The following IL1RAPL1 variants were observed in gnomAD, a reference collection of about 807,000 sequenced individuals.
IL1RAPL1 encodes the protein interleukin-1 receptor accessory protein-like 1.
Under a neutral mutation model 48.4 loss-of-function variants are expected in IL1RAPL1, and 3 were observed. The observed-to-expected ratio is 0.06, with a 90% CI of 0.03 to 0.16. The LOEUF (loss-of-function observed/expected upper bound fraction) is 0.16, where lower values mean the gene tolerates loss of function less well. IL1RAPL1 is among the 10% of genes least tolerant of loss of function. The probability of loss-of-function intolerance (pLI) is 1.00; values close to 1 mark genes in which losing one functional copy is unlikely to be tolerated. For synonymous variants in IL1RAPL1, 185 were observed against 187.7 expected (o/e 0.99, Z 0.12); for missense variants, 349 against 530.6 (o/e 0.66, Z 3.36).
intron 2 of IL1RAPL1, among the ~76,000 whole-genome samples, chrX:29,255,555 C>T (rs1931743160): frequency 9.0e-6 from 1 of 110,661 alleles, no homozygotes; most frequent in South Asian, 3.8e-4. Flanking sequence ...ATCCTGTTGC[C>T]GAAGTCCTGA....
At chrX:29,541,241 C>T (rs766332311) in intron 5 of IL1RAPL1, among the ~76,000 whole-genome samples, 1 of 111,682 alleles carries the variant, frequency 9.0e-6, no homozygotes, top group African/African-American at 3.3e-5. Flanking sequence ...CACCATGTCA[C>T]ACCAGTCAGA....
intron 6 of IL1RAPL1, among the ~76,000 whole-genome samples, chrX:29,867,707 C>G (rs1451548620): frequency 2.7e-5 from 3 of 112,246 alleles, no homozygotes; most frequent in African/African-American, 9.7e-5. Context: ...GATAGCAATT[C>G]CTAGAATTCG....
intron 6 of IL1RAPL1, among the ~76,000 whole-genome samples, chrX:29,717,476 T>C (rs1569152787): frequency 8.9e-6 from 1 of 112,319 alleles, no homozygotes; most frequent in African/African-American, 3.2e-5. Context: ...TTTTGCCTGA[T>C]TAACGTTATG....
At chrX:29,715,290 T>G (rs1358220563) in intron 6 of IL1RAPL1, among the ~76,000 whole-genome samples, 1 of 111,352 alleles carries the variant, frequency 9.0e-6, no homozygotes, top group Non-Finnish European at 1.9e-5. Context: ...CTAGGGGGCT[T>G]ATTAAAACAA....
At chrX:28,691,126 A>T (rs945707417) in intron 1 of IL1RAPL1, among the ~76,000 whole-genome samples, 3 of 110,982 alleles carry the variant, frequency 2.7e-5, no homozygotes, top group Non-Finnish European at 3.8e-5. Flanking sequence ...TAATCCTAGA[A>T]GACCTAGCAA....
intron 2 of IL1RAPL1, 70 bp downstream of exon 2, chrX:28,789,495 G>A (rs1253307078): frequency 7.9e-6 from 6 of 756,197 alleles, no homozygotes; most frequent in East Asian, 6.4e-5. Flanking sequence ...CTACACATGT[G>A]CCATTAGTGG....
At chrX:29,691,701 G>A (rs140582417) in intron 6 of IL1RAPL1, among the ~76,000 whole-genome samples, 1,250 of 96,460 alleles carry the variant, frequency 0.013, 31 homozygotes, top group African/African-American at 0.049. Context: ...CCGAGATTGC[G>A]CCACTGCAGT....
intron 2 of IL1RAPL1, among the ~76,000 whole-genome samples, chrX:28,836,342 A>G (rs1031137662): frequency 2.6e-5 from 2 of 78,233 alleles, no homozygotes; most frequent in South Asian, 1.0e-3. Context: ...AATTTTATAT[A>G]TATATATATA....
intron 2 of IL1RAPL1, among the ~76,000 whole-genome samples, chrX:28,823,541 T>C (rs1482950): frequency 0.44 from 48,999 of 110,461 alleles, 8,340 homozygotes; most frequent in East Asian, 0.8. Flanking sequence ...GTAAGCATTA[T>C]GGCTAAGTGA....
rs201464853 is a variant in IL1RAPL1 at position 29,550,178 on chromosome X, ATTCTT to A, written c.704-118229_704-118225del. On this transcript the variant is annotated intron_variant, in intron 5 of 10. Transcript: ENST00000378993. Reference sequence around the variant, plus strand: ...AAGCATCACTAATTTAATTTTAGAAATTCTTTTCTTTTCTTTTCTTTTCTTTTTTT... The same window carrying A: ...AAGCATCACTAATTTAATTTTAGAAATTCTTTTCTTTTCTTTTCTTTTTTT... 6.3e-3 allele frequency among the ~76,000 whole-genome samples: 696 copies of A among 111,085 alleles called. 4 individuals carry two copies. The highest frequency in any genetic ancestry group is 9.7e-3 in the Non-Finnish European group (512 of 52,880).
intron 2 of IL1RAPL1, among the ~76,000 whole-genome samples, chrX:29,142,425 G>C (rs112941122): frequency 0.016 from 1,798 of 111,821 alleles, 22 homozygotes; most frequent in Non-Finnish European, 0.026. Context: ...ACAGTTTGGA[G>C]GAGACTAAGA....
intron 2 of IL1RAPL1, among the ~76,000 whole-genome samples, chrX:28,800,787 T>A (rs7884488): frequency 0.016 from 1,814 of 111,115 alleles, 46 homozygotes; most frequent in African/African-American, 0.056. Flanking sequence ...GATGTCAGGT[T>A]TTAAAAAGTA....
chrX:29,001,506 G>A (rs192222400), intron 2 of IL1RAPL1, among the ~76,000 whole-genome samples: 182 of 111,749 alleles, frequency 1.6e-3, no homozygotes, highest in Non-Finnish European at 3.0e-3. Flanking sequence ...TAATTGTGTG[G>A]ATTTTCACAG....
intron 6 of IL1RAPL1, among the ~76,000 whole-genome samples, chrX:29,862,186 C>A (rs1931601930): frequency 9.1e-6 from 1 of 110,030 alleles, no homozygotes; most frequent in African/African-American, 3.3e-5. Context: ...TAAGAATAAT[C>A]TCAGCATTTG....
intron 3 of IL1RAPL1, among the ~76,000 whole-genome samples, chrX:29,348,539 T>TG (rs1165593329): frequency 9.0e-6 from 1 of 111,711 alleles, no homozygotes. Context: ...GGGCTGGGTA[T>TG]GAGAGACATT....
chrX:28,878,708 G>T (rs187442769), intron 2 of IL1RAPL1, among the ~76,000 whole-genome samples: 2 of 111,538 alleles, frequency 1.8e-5, no homozygotes, highest in Admixed American at 1.9e-4. Flanking sequence ...GAAGTAAAAG[G>T]GTGGGAAGAC....
intron 1 of IL1RAPL1, among the ~76,000 whole-genome samples, chrX:28,729,379 C>A (rs1280546730): frequency 2.7e-5 from 3 of 110,543 alleles, no homozygotes; most frequent in Non-Finnish European, 3.8e-5. Context: ...GTTATATATG[C>A]TATTATGAAA....
intron 3 of IL1RAPL1, among the ~76,000 whole-genome samples, chrX:29,351,837 T>C (rs983759952): frequency 3.6e-5 from 4 of 111,506 alleles, no homozygotes; most frequent in African/African-American, 1.3e-4. Flanking sequence ...ACCTTCAAAA[T>C]CCATCCCTTT....
At chrX:29,886,406 G>A (rs1296928517) in intron 6 of IL1RAPL1, among the ~76,000 whole-genome samples, 3 of 112,005 alleles carry the variant, frequency 2.7e-5, no homozygotes, top group African/African-American at 9.7e-5. Flanking sequence ...CACTCCAGAG[G>A]TTTTGATCAT....
Sources: allele counts gnomAD v4.1 joint callset (sites outside exome capture counted in the v4.1 genomes callset), GRCh38; gene constraint gnomAD v4.1.1; transcripts MANE v1.5; gene names NCBI Gene and HGNC (gene_info 2026-07-23, HGNC 2026-07-21).